Variants in SUMF1 observed in about 807,000 individuals in gnomAD.
SUMF1 encodes the protein formylglycine-generating enzyme.
Under a neutral mutation model 47.6 loss-of-function variants are expected in SUMF1, and 48 were observed. That is an observed-to-expected ratio of 1.01 (90% CI 0.80 to 1.28). The LOEUF (loss-of-function observed/expected upper bound fraction) is 1.28, where lower values mean the gene tolerates loss of function less well. Among genes scored for constraint, SUMF1 ranks in the 50% most tolerant of loss-of-function variants. The probability of loss-of-function intolerance (pLI) is 0.00; values close to 1 mark genes in which losing one functional copy is unlikely to be tolerated. For missense variants in SUMF1, 571 were observed against 485.4 expected, an observed-to-expected ratio of 1.18 and a Z score of -1.66; for synonymous variants, 230 against 192.1, an observed-to-expected ratio of 1.20 and a Z score of -1.63.
chr3:4,157,688 T>TAC (rs1694485953), intron 8 of SUMF1, among the ~76,000 whole-genome samples: 1 of 151,550 alleles, frequency 6.6e-6, no homozygotes, highest in Non-Finnish European at 1.5e-5. Flanking sequence ...TGCTTATCTC[T>TAC]ATACGCTTCT....
intron 3 of SUMF1, among the ~76,000 whole-genome samples, chr3:4,427,508 T>A (rs793391): frequency 6.6e-6 from 1 of 152,068 alleles, no homozygotes; most frequent in Admixed American, 6.5e-5. Flanking sequence ...GAATAAAGGC[T>A]AAAAACAAAT....
chr3:4,212,566 G>T (rs148727251), intron 8 of SUMF1, among the ~76,000 whole-genome samples: 2 of 152,276 alleles, frequency 1.3e-5, no homozygotes, highest in East Asian at 3.9e-4. Flanking sequence ...TGAGTTTGAT[G>T]AATTGACAGA....
intron 8 of SUMF1, among the ~76,000 whole-genome samples, chr3:4,269,892 G>A (rs1697270225): frequency 6.6e-6 from 1 of 152,148 alleles, no homozygotes; most frequent in African/African-American, 2.4e-5. Flanking sequence ...TTAGCTACCT[G>A]CACTCTGTGT....
chr3:4,184,297 A>T (rs1469399104), intron 8 of SUMF1, among the ~76,000 whole-genome samples: 1 of 151,818 alleles, frequency 6.6e-6, no homozygotes, highest in Non-Finnish European at 1.5e-5. Context: ...CTCTACTAAA[A>T]ATACAAAAAT....
intron 7 of SUMF1, among the ~76,000 whole-genome samples, chr3:4,389,208 A>G (rs1271508327): frequency 2.0e-5 from 3 of 152,142 alleles, no homozygotes; most frequent in African/African-American, 4.8e-5. Context: ...CCTTATTCCA[A>G]AAAGATACTT....
intron 3 of SUMF1, among the ~76,000 whole-genome samples, chr3:4,430,631 A>G (rs921738598): frequency 1.3e-5 from 2 of 152,056 alleles, no homozygotes; most frequent in Non-Finnish European, 2.9e-5. Context: ...CATCTTCTCT[A>G]TGCCACTCCT....
chr3:4,454,823 G>T (rs1403849936), intron 1 of SUMF1, among the ~76,000 whole-genome samples: 1 of 152,064 alleles, frequency 6.6e-6, no homozygotes. Flanking sequence ...CAATCACAAA[G>T]GGCCACATAT....
intron 2 of SUMF1, among the ~76,000 whole-genome samples, chr3:4,451,365 A>G (rs1702961116): frequency 6.6e-6 from 1 of 152,216 alleles, no homozygotes. Context: ...TGCTGTTTGC[A>G]TCATAATTGA....
intron 8 of SUMF1, among the ~76,000 whole-genome samples, chr3:4,136,637 A>C (rs1286296786): frequency 6.6e-6 from 1 of 151,810 alleles, no homozygotes; most frequent in Non-Finnish European, 1.5e-5. Context: ...TAATTAAACT[A>C]AAGAGCTTCC....
chr3:4,038,919 A>T (rs930492722), intron 9 of SUMF1, among the ~76,000 whole-genome samples: 25 of 152,216 alleles, frequency 1.6e-4, no homozygotes, highest in African/African-American at 5.5e-4. Context: ...AGAAAAAAGC[A>T]ATAAAGAGCA....
intron 8 of SUMF1, among the ~76,000 whole-genome samples, chr3:4,260,333 C>T (rs1385572135): frequency 6.6e-6 from 1 of 152,100 alleles, no homozygotes; most frequent in African/African-American, 2.4e-5. Flanking sequence ...AATAAAACAG[C>T]CTAGTGTTCT....
chr3:4,088,334 C>T (rs1382622140), intron 8 of SUMF1, among the ~76,000 whole-genome samples: 1 of 152,116 alleles, frequency 6.6e-6, no homozygotes, highest in Non-Finnish European at 1.5e-5. Flanking sequence ...ATTTCTTTCA[C>T]TGCTTGGTCC....
In SUMF1 at chr3:4,228,558, G is replaced by A. The variant is rs531976318; in HGVS notation, c.1014+147772C>T. Among the ~76,000 whole-genome samples, 7 of 152,244 alleles carry A rather than the reference G, an allele frequency of 4.6e-5. No individual in the cohort carries two copies. The South Asian group carries it at 1.5e-3, about 32-fold the overall frequency. On this transcript the variant is annotated intron_variant and NMD_transcript_variant, in intron 8 of 12. Transcript: ENST00000448413. ...TCTGATCTGCCCTCACCTTTATGCG[G>A]CTCTGCTTCACTGCTTCCCTAGGTC...
At chr3:4,270,291 G>C (rs966510708) in intron 8 of SUMF1, among the ~76,000 whole-genome samples, 1 of 152,078 alleles carries the variant, frequency 6.6e-6, no homozygotes, top group African/African-American at 2.4e-5. Context: ...AGTGGTCCCA[G>C]GTCTCCATCT....
At chr3:4,270,440 G>A (rs1034181123) in intron 8 of SUMF1, among the ~76,000 whole-genome samples, 21 of 148,504 alleles carry the variant, frequency 1.4e-4, no homozygotes, top group Admixed American at 4.0e-4. Flanking sequence ...ACACATACAC[G>A]CACACACACA....
intron 8 of SUMF1, chr3:4,312,870 T>C: frequency 6.4e-7 from 1 of 1,567,302 alleles, no homozygotes; most frequent in Non-Finnish European, 8.6e-7. Flanking sequence ...CATGCCGTGC[T>C]GACTTACAGT....
intron 9 of SUMF1, among the ~76,000 whole-genome samples, chr3:4,051,989 C>G (rs79890391): frequency 0.031 from 4,644 of 152,218 alleles, 249 homozygotes; most frequent in African/African-American, 0.11. Flanking sequence ...GGTTCTCTGT[C>G]TTACTCTATC....
At chr3:4,157,549 C>T (rs1053678744) in intron 8 of SUMF1, among the ~76,000 whole-genome samples, 2 of 151,538 alleles carry the variant, frequency 1.3e-5, no homozygotes, top group Admixed American at 1.3e-4. Context: ...TTCTCAGAAT[C>T]ACATATCACT....
chr3:4,423,308 A>ACG (rs1303228243), intron 3 of SUMF1, among the ~76,000 whole-genome samples: 1 of 151,920 alleles, frequency 6.6e-6, no homozygotes, highest in African/African-American at 2.4e-5. Context: ...ACACACACAC[A>ACG]CACACACAAT....
Sources: gnomAD v4.1 joint callset for allele counts (sites outside exome capture counted in the v4.1 genomes callset) on GRCh38, gnomAD v4.1.1 for gene constraint, MANE v1.5 for transcripts, NCBI Gene and HGNC (gene_info 2026-07-23, HGNC 2026-07-21) for gene names.